Variants in TTBK2 observed in about 807,000 individuals in gnomAD.
TTBK2 encodes tau-tubulin kinase 2.
A neutral mutation model predicts 110.8 loss-of-function variants in TTBK2; 28 were observed. The observed-to-expected ratio is 0.25, with a 90% confidence interval of 0.19 to 0.35. The LOEUF is 0.35. TTBK2 is among the 10% of genes least tolerant of loss of function. The pLI, the probability that TTBK2 is intolerant of heterozygous loss-of-function variation, is 1.00. For missense variants in TTBK2, 1,369 were observed against 1,500.3 expected, an observed-to-expected ratio of 0.91 and a Z score of 1.45; for synonymous variants, 532 against 527.3, an observed-to-expected ratio of 1.01 and a Z score of -0.12.
intron 3 of TTBK2, among the ~76,000 whole-genome samples, chr15:42,853,169 G>C (rs1422478872): frequency 6.6e-6 from 1 of 152,148 alleles, no homozygotes; most frequent in African/African-American, 2.4e-5. Context: ...AACAGTAACA[G>C]TAATAGTTAC....
chr15:42,739,824 G>A lies in TTBK2; in HGVS notation c.*5971C>T, dbSNP rs1595868055. 1 of 152,212 alleles carries A rather than the reference G, an allele frequency of 6.6e-6. No individual in the cohort carries two copies. Among genetic ancestry groups the A allele is most frequent in the Non-Finnish European group, 1.5e-5 (1 of 68,036 alleles). The allele number at this position is 152,212 out of a possible 1,614,324, so 9.4% of individuals were successfully genotyped here. A position where few individuals can be genotyped will look rare whatever the true frequency, so the allele number is the denominator to read the frequency against. Reference sequence around the variant, plus strand: ...AGCCTTGTTTACCCCTTGTAGGCGAGTGAAGAATGCCCACACAGAGTTCAG... The same window carrying A: ...AGCCTTGTTTACCCCTTGTAGGCGAATGAAGAATGCCCACACAGAGTTCAG... On this transcript the variant is annotated 3_prime_UTR_variant, in exon 15 of 15. Coordinates refer to ENST00000267890, the MANE Select transcript of TTBK2 (RefSeq NM_173500.4).
At chr15:42,847,665 A>G (rs190742989) in intron 3 of TTBK2, among the ~76,000 whole-genome samples, 6 of 152,312 alleles carry the variant, frequency 3.9e-5, no homozygotes, top group Admixed American at 3.9e-4. Flanking sequence ...TCCAACACCA[A>G]GACTGTTCGT....
intron 9 of TTBK2, among the ~76,000 whole-genome samples, chr15:42,803,187 G>A (rs915615167): frequency 1.3e-4 from 20 of 152,086 alleles, no homozygotes; most frequent in Non-Finnish European, 2.2e-4. Context: ...AGATGGTACA[G>A]CCTATTACAC....
chr15:42,916,761 C>T (rs1390592473), intron 1 of TTBK2, among the ~76,000 whole-genome samples: 1 of 151,960 alleles, frequency 6.6e-6, no homozygotes, highest in Non-Finnish European at 1.5e-5. Flanking sequence ...AAAATATGAA[C>T]AAAATATAGT....
rs564691078 is a variant in TTBK2, at chr15:42,848,789, C to A, written c.218-8356G>T. 7.9e-5 allele frequency among the ~76,000 whole-genome samples: 12 copies of A among 152,256 alleles called. 1 individual carries two copies. Among genetic ancestry groups the A allele is most frequent in the African/African-American group, 2.9e-4 (12 of 41,558 alleles). Reference sequence around the variant, plus strand: ...ACAGGCGTGAGCCACTGTGCCCAGCCCAGATCTGGCATATATTTTGTTACA... The same window carrying A: ...ACAGGCGTGAGCCACTGTGCCCAGCACAGATCTGGCATATATTTTGTTACA... On this transcript the variant is annotated intron_variant, in intron 3 of 14. Transcript: ENST00000267890.
rs147682666 is a variant in TTBK2, at chr15:42,839,681, G to A, written c.291+679C>T. Among the ~76,000 whole-genome samples the A allele has an allele frequency of 3.7e-3, 561 of 152,082 alleles. 2 individuals are homozygous for A. The highest frequency in any genetic ancestry group is 0.013 in the African/African-American group (536 of 41,480). On this transcript the variant is annotated intron_variant, in intron 4 of 14. Coordinates refer to ENST00000267890, the MANE Select transcript of TTBK2 (RefSeq NM_173500.4). ...TGGTGTCTTACTGTGGTTTTGATTT[G>A]CATTTCTCTAAAGATTAGTGATGTT... is the stretch of plus-strand genomic sequence containing the variant.
chr15:42,827,223 T>A (rs1420756194), intron 6 of TTBK2, among the ~76,000 whole-genome samples: 1 of 152,136 alleles, frequency 6.6e-6, no homozygotes, highest in Non-Finnish European at 1.5e-5. Context: ...TGTGTATGGT[T>A]GGCAGGGAGG....
At position 42,815,956 on chromosome 15, in the gene TTBK2, A is replaced by ATATATATATATAT. The variant is rs1256399173; in HGVS notation, c.603+1075_603+1076insATATATATATATA. Reference sequence around the variant, plus strand: ...AATATATATATATATATTTAAAAAAAAAATATATATATATATATATATTTG... The same window carrying ATATATATATATAT: ...AATATATATATATATATTTAAAAAAATATATATATATATAAATATATATATATATATATATTTG... On this transcript the variant is annotated intron_variant, in intron 7 of 14. Transcript: ENST00000267890. 9.1e-4 allele frequency among the ~76,000 whole-genome samples: 58 copies of ATATATATATATAT among 63,946 alleles called. 2 individuals are homozygous for ATATATATATATAT. The highest frequency in any genetic ancestry group is 2.6e-3 in the African/African-American group (28 of 10,676). The allele number at this position is 63,946 out of a possible 152,430, so 42.0% of individuals were successfully genotyped here.
chr15:42,845,029 A>G (rs913322889), intron 3 of TTBK2, among the ~76,000 whole-genome samples: 5 of 152,206 alleles, frequency 3.3e-5, no homozygotes, highest in Non-Finnish European at 7.3e-5. Context: ...TTATACATAA[A>G]CTGCTATGGA....
intron 3 of TTBK2, among the ~76,000 whole-genome samples, chr15:42,849,293 T>C (rs1893600330): frequency 6.6e-6 from 1 of 152,220 alleles, no homozygotes; most frequent in Non-Finnish European, 1.5e-5. Context: ...TCTGTAATTG[T>C]ACATCTTGGG....
intron 5 of TTBK2, 145 bp from the exon 6 acceptor site, chr15:42,828,177 G>T: frequency 1.5e-6 from 1 of 671,398 alleles, no homozygotes; most frequent in Non-Finnish European, 2.5e-6. Context: ...ATGATGTTTA[G>T]TGGTATTAAA....
chr15:42,878,750 C>A lies in TTBK2; in HGVS notation c.-67-66G>T, dbSNP rs1479577094. On this transcript the variant is annotated intron_variant, in intron 1 of 14. Transcript: ENST00000267890. ...TTAACTAATCAACACAAATAACATT[C>A]CAGCATCAGGAAGCACTACTAATAC... 8 of 1,549,024 alleles carry A rather than the reference C, an allele frequency of 5.2e-6. No individual in the cohort carries two copies. In the African/African-American group the frequency reaches 9.5e-5, roughly 18 times the overall value.
intron 1 of TTBK2, among the ~76,000 whole-genome samples, chr15:42,917,731 T>C (rs1253449565): frequency 6.6e-6 from 1 of 151,666 alleles, no homozygotes; most frequent in Non-Finnish European, 1.5e-5. Context: ...ATGTATTTAA[T>C]TTCAAAAATC....
intron 3 of TTBK2, among the ~76,000 whole-genome samples, chr15:42,849,011 A>G (rs1342780092): frequency 2.0e-5 from 3 of 152,164 alleles, no homozygotes; most frequent in Non-Finnish European, 4.4e-5. Context: ...ACAAACAGGA[A>G]CAGTTTTATT....
intron 1 of TTBK2, among the ~76,000 whole-genome samples, chr15:42,890,256 T>G (rs1270433973): frequency 1.3e-5 from 2 of 152,200 alleles, no homozygotes; most frequent in African/African-American, 2.4e-5. Flanking sequence ...CCTTGCTGAC[T>G]CTCTTTTCGG....
intron 4 of TTBK2, among the ~76,000 whole-genome samples, chr15:42,832,006 C>T (rs1210421467): frequency 6.6e-6 from 1 of 152,164 alleles, no homozygotes; most frequent in East Asian, 1.9e-4. Context: ...TTAAAAGTTA[C>T]AGTAAAGTCA....
intron 3 of TTBK2, 122 bp from the exon 4 acceptor site, chr15:42,840,555 G>A: frequency 2.2e-6 from 2 of 915,162 alleles, no homozygotes; most frequent in Non-Finnish European, 3.6e-6. Flanking sequence ...GAACCTTAAG[G>A]ATAGAAAACT....
chr15:42,746,078 G>A lies in TTBK2; in HGVS notation c.3452C>T (p.Pro1151Leu). 6.2e-7 allele frequency: 1 copy of A among 1,614,090 alleles called. No individual in the cohort carries two copies. The highest frequency in any genetic ancestry group is 8.5e-7 in the Non-Finnish European group (1 of 1,180,030). Residue 1151 changes from proline (P) to leucine (L), a missense_variant, in exon 15 of 15, where the codon CCC becomes CTC. By Grantham distance (98) the Pro-to-Leu change is moderately conservative. This residue lies in a region of TTBK2 where 1,097 missense variants were observed against 1,114.7 expected (regional missense o/e 0.98). Transcript: ENST00000267890. ...GGATGAGCTTCGAGGAGAGGCACTG[G>A]GACTCCTGCGAGGGACAACTGGACT... ...PKSPVVPRRSPSASPRSSSLP... is the reference protein window; with the variant it reads ...PKSPVVPRRSLSASPRSSSLP...
intron 1 of TTBK2, among the ~76,000 whole-genome samples, chr15:42,879,765 G>C (rs1190018075): frequency 2.0e-5 from 3 of 152,094 alleles, no homozygotes; most frequent in African/African-American, 7.2e-5. Flanking sequence ...GGGAGGCTAA[G>C]GCAAGAGGGT....
Sources: gnomAD v4.1 joint callset for allele counts (sites outside exome capture counted in the v4.1 genomes callset) on GRCh38, gnomAD v4.1.1 for gene constraint, gnomAD v4.1.1 regional missense constraint, MANE v1.5 for transcripts, NCBI Gene and HGNC (gene_info 2026-07-23, HGNC 2026-07-21) for gene names.